The following CELF2 variants were observed in gnomAD, a reference collection of about 807,000 sequenced individuals.
CELF2 encodes the protein CUG triplet repeat RNA-binding protein 2.
In CELF2, 8 loss-of-function variants were observed where a neutral mutation model predicts 62.6. The observed-to-expected ratio is 0.13, with a 90% CI of 0.07 to 0.23. The LOEUF (loss-of-function observed/expected upper bound fraction) is 0.23. CELF2 is among the 10% of genes least tolerant of loss of function. CELF2 has a pLI of 1.00. For missense variants in CELF2, 333 were observed against 671.0 expected, an observed-to-expected ratio of 0.50 and a Z score of 5.56; for synonymous variants, 258 against 250.0, an observed-to-expected ratio of 1.03 and a Z score of -0.30.
At chr10:11,032,828 T>A (rs1481138155) in intron 1 of CELF2, among the ~76,000 whole-genome samples, 1 of 152,214 alleles carries the variant, frequency 6.6e-6, no homozygotes, top group Non-Finnish European at 1.5e-5. Context: ...AAATAAATGT[T>A]TATTGGGTCA....
chr10:11,074,803 G>A (rs1229530616), intron 1 of CELF2: 1 of 152,134 alleles, frequency 6.6e-6, no homozygotes, highest in Non-Finnish European at 1.5e-5. Flanking sequence ...CCTCTACCTA[G>A]GAAAATATCC....
intron 1 of CELF2, among the ~76,000 whole-genome samples, chr10:10,880,584 A>G (rs1202843951): frequency 1.3e-5 from 2 of 152,128 alleles, no homozygotes; most frequent in African/African-American, 4.8e-5. Context: ...TCTATGACTA[A>G]AATATGTTGA....
At chr10:11,147,731 T>A (rs1009277755) in intron 1 of CELF2, among the ~76,000 whole-genome samples, 1 of 152,260 alleles carries the variant, frequency 6.6e-6, no homozygotes, top group Non-Finnish European at 1.5e-5. Flanking sequence ...TAATAACGGT[T>A]TGCCGATTTT....
the CELF2 span, among the ~76,000 whole-genome samples, chr10:10,558,100 C>T: frequency 1.3e-5 from 2 of 151,462 alleles, no homozygotes; most frequent in Non-Finnish European, 1.5e-5. Context: ...AGAGGGCATC[C>T]CTGTCTTGTG....
At chr10:10,725,103 G>T in the CELF2 span, among the ~76,000 whole-genome samples, 1 of 152,180 alleles carries the variant, frequency 6.6e-6, no homozygotes, top group African/African-American at 2.4e-5. Flanking sequence ...CTTTTTACCA[G>T]TATTCCAATT....
upstream of CELF2, among the ~76,000 whole-genome samples, chr10:10,797,574 G>A (rs1176540525): frequency 6.6e-6 from 1 of 152,128 alleles, no homozygotes; most frequent in African/African-American, 2.4e-5. Context: ...AGAAAAAGAG[G>A]AATTTAATAT....
intron 2 of CELF2, among the ~76,000 whole-genome samples, chr10:10,933,338 A>G (rs2066287012): frequency 6.6e-6 from 1 of 152,194 alleles, no homozygotes. Flanking sequence ...ATACATATTT[A>G]TGTGGTACAG....
the CELF2 span, among the ~76,000 whole-genome samples, chr10:10,486,415 C>T: frequency 2.0e-5 from 3 of 152,304 alleles, no homozygotes; most frequent in Admixed American, 6.5e-5. Context: ...TGAGTCTTCT[C>T]TAATAAATTG....
At chr10:10,849,559 G>T (rs2059247368) in intron 1 of CELF2, among the ~76,000 whole-genome samples, 1 of 152,150 alleles carries the variant, frequency 6.6e-6, no homozygotes, top group Non-Finnish European at 1.5e-5. Context: ...CTGAGTTACA[G>T]ATCTGATGCC....
At chr10:11,100,887 C>T (rs1244652644) in intron 1 of CELF2, among the ~76,000 whole-genome samples, 1 of 152,174 alleles carries the variant, frequency 6.6e-6, no homozygotes, top group Non-Finnish European at 1.5e-5. Context: ...TGGAAGGTTG[C>T]ATTCAATGAA....
intron 1 of CELF2, among the ~76,000 whole-genome samples, chr10:10,812,633 T>C (rs1448819840): frequency 6.6e-6 from 1 of 152,188 alleles, no homozygotes; most frequent in Non-Finnish European, 1.5e-5. Flanking sequence ...GGTTTCATGC[T>C]TTCTAATTTC....
intron 1 of CELF2, among the ~76,000 whole-genome samples, chr10:10,881,890 C>A (rs1266848453): frequency 4.6e-5 from 7 of 152,162 alleles, no homozygotes; most frequent in Non-Finnish European, 7.3e-5. Flanking sequence ...TCAATATGTT[C>A]CATCTTGTTT....
At chr10:10,494,582 T>A in the CELF2 span, among the ~76,000 whole-genome samples, 1 of 152,208 alleles carries the variant, frequency 6.6e-6, no homozygotes, top group Non-Finnish European at 1.5e-5. Flanking sequence ...ATAAGGAGAT[T>A]TGACATTTTC....
chr10:11,281,273 T>C (rs543970226), intron 8 of CELF2, among the ~76,000 whole-genome samples: 1 of 152,244 alleles, frequency 6.6e-6, no homozygotes, highest in Non-Finnish European at 1.5e-5. Context: ...TCAGAGTTTG[T>C]GGAGACCCTG....
intron 1 of CELF2, among the ~76,000 whole-genome samples, chr10:10,899,366 A>G (rs2062775295): frequency 6.6e-6 from 1 of 152,222 alleles, no homozygotes. Context: ...ATGAATATAG[A>G]AAATGAAAGA....
the CELF2 span, among the ~76,000 whole-genome samples, chr10:10,482,247 G>A: frequency 6.6e-6 from 1 of 152,060 alleles, no homozygotes; most frequent in African/African-American, 2.4e-5. Flanking sequence ...TATGTTTTTT[G>A]CAACATTATA....
rs1007146288 is a variant in CELF2, at chr10:11,334,144, T to A, written c.*5091T>A. On this transcript the variant is annotated 3_prime_UTR_variant, in exon 13 of 13. Coordinates refer to ENST00000633077, the MANE Select transcript of CELF2 (RefSeq NM_001326342.2). ...CAGTTACACAATAAGGTAATTAGAT[T>A]TAGAAGTACTCAGTCACTTTAAGTG... The A allele has an allele frequency of 3.3e-5, 5 of 152,694 alleles. No homozygotes were observed. Among genetic ancestry groups the A allele is most frequent in the Non-Finnish European group, 5.9e-5 (4 of 68,050 alleles). The allele number at this position is 152,694 out of a possible 1,614,324, so 9.5% of individuals were successfully genotyped here.
At chr10:10,760,551 T>C in the CELF2 span, among the ~76,000 whole-genome samples, 4 of 152,096 alleles carry the variant, frequency 2.6e-5, no homozygotes, top group African/African-American at 7.2e-5. Flanking sequence ...GGGCATTAAA[T>C]AGAATTACAG....
intron 1 of CELF2, among the ~76,000 whole-genome samples, chr10:11,028,569 G>T (rs1287894784): frequency 6.8e-6 from 1 of 146,060 alleles, no homozygotes; most frequent in East Asian, 2.0e-4. Context: ...ACAGGCGCCC[G>T]CCACCATGCC....
Sources: gnomAD v4.1 joint callset for allele counts (sites outside exome capture counted in the v4.1 genomes callset) on GRCh38, gnomAD v4.1.1 for gene constraint, MANE v1.5 for transcripts, NCBI Gene and HGNC (gene_info 2026-07-23, HGNC 2026-07-21) for gene names.